KRT23: variants seen among roughly 807,000 people sequenced by gnomAD.
The protein encoded by KRT23 is keratin, type I cytoskeletal 23.
In KRT23, 38 loss-of-function variants were observed where a neutral mutation model predicts 47.6. The ratio of observed to expected loss-of-function variants is 0.80; its 90% CI spans 0.62 to 1.05. KRT23 has a LOEUF of 1.05. Ranked by LOEUF, KRT23 falls within the 50% of genes least tolerant of loss-of-function variation. The pLI, the probability that KRT23 is intolerant of heterozygous loss-of-function variation, is 0.00. For missense variants in KRT23, 503 were observed against 529.5 expected (o/e 0.95, Z 0.49); for synonymous variants, 191 against 199.0 (o/e 0.96, Z 0.34).
chr17:40,936,161 T>A (rs1037103421), intron 2 of KRT23, 47 bp downstream of exon 2: 10 of 1,608,404 alleles, frequency 6.2e-6, no homozygotes, highest in Non-Finnish European at 7.6e-6. Context: ...GAGGGTCCCC[T>A]GGCAAAGCAG....
rs1364773187 is a variant in KRT23 at position 40,937,334 on chromosome 17, G to T, written c.-351+12C>A. The T allele has an allele frequency of 6.6e-6, 1 of 152,220 alleles. No homozygotes were observed. Among genetic ancestry groups the T allele is most frequent in the African/African-American group, 2.4e-5 (1 of 41,436 alleles). 9.4% of individuals were successfully genotyped at this position (152,220 alleles called of 1,614,324 possible). On this transcript the variant is annotated intron_variant, in intron 1 of 8. Coordinates refer to ENST00000209718, the MANE Select transcript of KRT23 (RefSeq NM_015515.5). ...TCAATTATAGATGTAATTAATTAAT[G>T]AATGACCGAACCTTCCACTTCCAGG... is the stretch of plus-strand genomic sequence containing the variant.
intron 6 of KRT23, among the ~76,000 whole-genome samples, chr17:40,926,205 T>C (rs2143442679): frequency 6.6e-6 from 1 of 152,328 alleles, no homozygotes; most frequent in African/African-American, 2.4e-5. Flanking sequence ...ATATGGAGGA[T>C]TGAGTTCAAG....
intron 2 of KRT23, among the ~76,000 whole-genome samples, chr17:40,934,170 A>C (rs543842772): frequency 1.3e-3 from 197 of 152,324 alleles, no homozygotes; most frequent in Non-Finnish European, 1.9e-3. Flanking sequence ...CATTTCACCA[A>C]GGTCCAGGAA....
At chr17:40,930,319 G>A (rs1400839555) in intron 3 of KRT23, among the ~76,000 whole-genome samples, 1 of 152,126 alleles carries the variant, frequency 6.6e-6, no homozygotes, top group Non-Finnish European at 1.5e-5. Context: ...ATAATAAACA[G>A]TCATATACCC....
At chr17:40,935,408 A>G (rs914874723) in intron 2 of KRT23, among the ~76,000 whole-genome samples, 1 of 152,124 alleles carries the variant, frequency 6.6e-6, no homozygotes, top group African/African-American at 2.4e-5. Context: ...AACCTATGAG[A>G]TGATTGGATT....
At chr17:40,932,222 C>T (rs1382512009) in intron 2 of KRT23, among the ~76,000 whole-genome samples, 1 of 152,008 alleles carries the variant, frequency 6.6e-6, no homozygotes, top group Non-Finnish European at 1.5e-5. Flanking sequence ...GCTTAAGAAG[C>T]TTCAGTAGTG....
chr17:40,924,519 A>G lies in KRT23; in HGVS notation c.1143-16T>C. 1 of 1,609,614 alleles carries G rather than the reference A, an allele frequency of 6.2e-7. No individual in the cohort carries two copies. The highest frequency in any genetic ancestry group is 8.5e-7 in the Non-Finnish European group (1 of 1,176,286). Reference sequence around the variant, plus strand: ...TTCCCGTGTCCTATAAAAGTGATAAAGGTTAAAGCTCACTTTAGTATTAGC... The same window carrying G: ...TTCCCGTGTCCTATAAAAGTGATAAGGGTTAAAGCTCACTTTAGTATTAGC... On this transcript the variant is annotated splice_polypyrimidine_tract_variant and intron_variant, in intron 7 of 8. Transcript: ENST00000209718.
At chr17:40,925,822 T>C (rs948629662) in intron 6 of KRT23, among the ~76,000 whole-genome samples, 4 of 152,158 alleles carry the variant, frequency 2.6e-5, no homozygotes, top group African/African-American at 9.7e-5. Context: ...CATTTTATCT[T>C]TGACCTGATT....
chr17:40,927,630 T>C (rs1244289922), intron 6 of KRT23, among the ~76,000 whole-genome samples: 1 of 152,176 alleles, frequency 6.6e-6, no homozygotes, highest in African/African-American at 2.4e-5. Flanking sequence ...ATGACCATGC[T>C]AAGCATTTTT....
chr17:40,932,364 T>C (rs1192496300), intron 2 of KRT23, among the ~76,000 whole-genome samples: 1 of 152,206 alleles, frequency 6.6e-6, no homozygotes. Flanking sequence ...CACTTGTAGG[T>C]ATGTTATAGT....
intron 7 of KRT23, chr17:40,925,027 A>G: frequency 7.8e-6 from 3 of 384,446 alleles, no homozygotes; most frequent in Non-Finnish European, 1.4e-5. Context: ...CTGGTGGACT[A>G]ACACATTCCC....
chr17:40,928,422 G>A lies in KRT23; in HGVS notation c.798+24C>T, dbSNP rs760195588. 3.7e-6 allele frequency: 6 copies of A among 1,614,032 alleles called. No individual in the cohort carries two copies. In the South Asian group the frequency reaches 6.6e-5, roughly 18 times the overall value. On this transcript the variant is annotated intron_variant, in intron 5 of 8. Coordinates refer to ENST00000209718, the MANE Select transcript of KRT23 (RefSeq NM_015515.5). ...GACCTCATGGAAATGCAACCTTTGG[G>A]AAGTTTGTGCATCTTTCTTTTACCT...
intron 2 of KRT23, among the ~76,000 whole-genome samples, chr17:40,932,430 C>T (rs1316533767): frequency 6.6e-5 from 10 of 152,168 alleles, no homozygotes; most frequent in East Asian, 3.9e-4. Flanking sequence ...GAAGATGTCT[C>T]GTTGTCAAAA....
intron 8 of KRT23, among the ~76,000 whole-genome samples, chr17:40,924,083 T>C (rs1369008623): frequency 2.0e-5 from 3 of 152,228 alleles, no homozygotes; most frequent in Non-Finnish European, 4.4e-5. Flanking sequence ...TCTAACCTTA[T>C]CTGGCCATAG....
At chr17:40,932,893 G>A (rs10852942) in intron 2 of KRT23, among the ~76,000 whole-genome samples, 68,325 of 152,026 alleles carry the variant, frequency 0.45, 16,126 homozygotes, top group East Asian at 0.72. Flanking sequence ...CCTGCTCCGC[G>A]CTTACTGGCT....
intron 4 of KRT23, 122 bp downstream of exon 4, chr17:40,929,818 T>G: frequency 2.6e-6 from 2 of 767,166 alleles, no homozygotes; most frequent in South Asian, 5.1e-5. Flanking sequence ...CTAAAGACTA[T>G]TTAGGGTGAA....
chr17:40,924,483 G>A lies in KRT23; in HGVS notation c.1163C>T (p.Ser388Leu), dbSNP rs773193282. 5 of 1,612,886 alleles carry A rather than the reference G, an allele frequency of 3.1e-6. No individual in the cohort carries two copies. Among genetic ancestry groups the A allele is most frequent in the South Asian group, 2.2e-5 (2 of 91,018 alleles). Residue 388 changes from serine (S) to leucine (L), a missense_variant, in exon 8 of 9, where the codon TCG becomes TTG. Transcript: ENST00000209718. ...AGGAAATTTTTTACCTTTCATGCTCGACTTTGATTCTTCCCGTGTCCTATA... is the reference window on the plus strand; with the variant it reads ...AGGAAATTTTTTACCTTTCATGCTCAACTTTGATTCTTCCCGTGTCCTATA... ...ESEGTREESK[S>L]SMKVSATPKI...
Position 40,925,403 on chromosome 17 carries a change from C to T in KRT23, c.1093G>A (p.Glu365Lys), listed in dbSNP as rs1259472237. Residue 365 changes from glutamate to lysine, a missense_variant, in exon 7 of 9, where the codon GAG becomes AAG. Glu to Lys is a moderately conservative substitution (Grantham distance 56). Coordinates refer to ENST00000209718, the MANE Select transcript of KRT23 (RefSeq NM_015515.5). ...QVLLGIKTHL[E>K]KEITTYRRLL... ...CGTCGGTACGTGGTGATTTCCTTCT[C>T]CAGGTGGGTTTTGATGCCCAGCAGC... 3.1e-6 allele frequency: 5 copies of T among 1,614,006 alleles called. No individual in the cohort carries two copies. In the South Asian group the frequency reaches 4.4e-5, roughly 14 times the overall value.
Position 40,931,919 on chromosome 17 carries a change from G to T in KRT23, c.397-464C>A, listed in dbSNP as rs990094134. Among the ~76,000 whole-genome samples, 3 of 152,092 alleles carry T rather than the reference G, an allele frequency of 2.0e-5. No homozygotes were observed. The East Asian group carries it at 5.8e-4, about 29-fold the overall frequency. The stretch of plus-strand genomic sequence containing the variant: ...TTAGGTTGGTGAAAAAGTGATTTTT[G>T]CCATTACTTTTAATTAGTTCAGCCC... On this transcript the variant is annotated intron_variant, in intron 2 of 8. Coordinates refer to ENST00000209718, the MANE Select transcript of KRT23 (RefSeq NM_015515.5).
Sources: gnomAD v4.1 joint callset for allele counts (sites outside exome capture counted in the v4.1 genomes callset) on GRCh38, gnomAD v4.1.1 for gene constraint, MANE v1.5 for transcripts, NCBI Gene and HGNC (gene_info 2026-07-23, HGNC 2026-07-21) for gene names.